Variants in NLGN1 observed in about 807,000 individuals in gnomAD.
NLGN1 encodes neuroligin-1.
In NLGN1, 12 loss-of-function variants were observed where a neutral mutation model predicts 65.5. The observed-to-expected ratio is 0.18, with a 90% CI of 0.12 to 0.30. The LOEUF is 0.30. Ranked by LOEUF, NLGN1 falls within the 10% of genes least tolerant of loss-of-function variation. NLGN1 has a pLI of 1.00. For missense variants in NLGN1, 750 were observed against 1,007.1 expected (o/e 0.74, Z 3.46); for synonymous variants, 350 against 359.5 (o/e 0.97, Z 0.30).
intron 4 of NLGN1, among the ~76,000 whole-genome samples, chr3:174,033,193 C>A (rs750970082): frequency 6.6e-6 from 1 of 152,070 alleles, no homozygotes; most frequent in African/African-American, 2.4e-5. Flanking sequence ...AGATGCAAGA[C>A]ACAGACTTTC....
intron 4 of NLGN1, among the ~76,000 whole-genome samples, chr3:173,851,777 T>C (rs972351196): frequency 8.5e-5 from 13 of 152,196 alleles, no homozygotes; most frequent in African/African-American, 2.9e-4. Context: ...CACCCTTCTA[T>C]TGCATCTGCT....
chr3:173,576,016 A>G (rs1318348791), intron 2 of NLGN1, among the ~76,000 whole-genome samples: 1 of 152,148 alleles, frequency 6.6e-6, no homozygotes, highest in Admixed American at 6.5e-5. Context: ...ATTGAAAAGG[A>G]ATTATTCCAA....
At chr3:173,652,726 G>A (rs1474407348) in intron 3 of NLGN1, among the ~76,000 whole-genome samples, 1 of 152,010 alleles carries the variant, frequency 6.6e-6, no homozygotes, top group African/African-American at 2.4e-5. Context: ...TTGGCTATTC[G>A]AGCTCTTTTT....
intron 4 of NLGN1, among the ~76,000 whole-genome samples, chr3:173,961,481 T>C (rs1249092942): frequency 4.0e-5 from 6 of 151,386 alleles, no homozygotes; most frequent in Non-Finnish European, 8.8e-5. Context: ...TGCATATGGA[T>C]TATTTTTTGA....
chr3:173,499,305 A>G (rs1730589782), intron 2 of NLGN1, among the ~76,000 whole-genome samples: 1 of 151,820 alleles, frequency 6.6e-6, no homozygotes, highest in Non-Finnish European at 1.5e-5. Context: ...CATTTATTAA[A>G]TAGGGAATCC....
intron 4 of NLGN1, among the ~76,000 whole-genome samples, chr3:174,192,565 G>A (rs1008847711): frequency 3.3e-5 from 5 of 152,040 alleles, no homozygotes; most frequent in Non-Finnish European, 7.4e-5. Context: ...CTTAGCATTG[G>A]ACTGGCTCCC....
intron 3 of NLGN1, among the ~76,000 whole-genome samples, chr3:173,664,421 A>G (rs1054953678): frequency 3.9e-5 from 6 of 152,134 alleles, no homozygotes; most frequent in Admixed American, 1.3e-4. Flanking sequence ...TTAGAAATAC[A>G]AAATCACTTT....
At chr3:173,419,020 C>CTTTTTTTTTTTTTTTTTTTTTTTTTTT (rs59051811) in intron 1 of NLGN1, among the ~76,000 whole-genome samples, 5 of 12,262 alleles carry the variant, frequency 4.1e-4, no homozygotes, top group Admixed American at 1.5e-3. Flanking sequence ...TCTTCTTCTT[C>CTTTTTTTTTTTTTTTTTTTTTTTTTTT]TTTTTTTTTT....
intron 2 of NLGN1, among the ~76,000 whole-genome samples, chr3:173,561,185 A>G (rs574393406): frequency 1.3e-5 from 2 of 152,334 alleles, no homozygotes; most frequent in African/African-American, 2.4e-5. Flanking sequence ...AGCCTTCCAG[A>G]CTTTCAGTTT....
chr3:173,470,809 C>A (rs1283607285), intron 2 of NLGN1, among the ~76,000 whole-genome samples: 1 of 152,080 alleles, frequency 6.6e-6, no homozygotes, highest in East Asian at 1.9e-4. Flanking sequence ...ATGATGAAAA[C>A]CCTTGTTTAT....
At chr3:173,584,897 G>A (rs1747089052) in intron 2 of NLGN1, 2 of 152,086 alleles carry the variant, frequency 1.3e-5, no homozygotes, top group Admixed American at 1.3e-4. Flanking sequence ...TCAAAAAAGC[G>A]TCTAGAAACT....
At chr3:174,038,136 GCTGTGAAT>G (rs1217101049) in intron 4 of NLGN1, among the ~76,000 whole-genome samples, 2 of 152,090 alleles carry the variant, frequency 1.3e-5, no homozygotes, top group African/African-American at 4.8e-5. Flanking sequence ...TGTGGCAGTC[GCTGTGAAT>G]CCAGGCAGTA....
At chr3:174,262,232 A>G (rs1411424744) in intron 4 of NLGN1, among the ~76,000 whole-genome samples, 2 of 101,730 alleles carry the variant, frequency 2.0e-5, no homozygotes, top group African/African-American at 9.5e-5. Context: ...CTCTTTTTCT[A>G]TTGATTGGAA....
Position 173,729,591 on chromosome 3 carries a change from A to G in NLGN1, c.494-78089A>G, listed in dbSNP as rs140779824. 6.4e-3 allele frequency among the ~76,000 whole-genome samples: 970 copies of G among 152,256 alleles called. 9 individuals carry two copies. The highest frequency in any genetic ancestry group is 0.02 in the Middle Eastern group (6 of 294). Reference sequence around the variant, plus strand: ...CTTTTCTAATGATTCTTCTTAATTTATTATAATGCCTTTGATGGAATGCAA... The same window carrying G: ...CTTTTCTAATGATTCTTCTTAATTTGTTATAATGCCTTTGATGGAATGCAA... On this transcript the variant is annotated intron_variant, in intron 3 of 6. Coordinates refer to ENST00000457714, the Ensembl canonical transcript of NLGN1.
At chr3:174,178,952 G>A (rs1018665226) in intron 4 of NLGN1, among the ~76,000 whole-genome samples, 5 of 151,982 alleles carry the variant, frequency 3.3e-5, no homozygotes, top group Non-Finnish European at 7.4e-5. Context: ...TCATTCTGTG[G>A]TAAAAAGAAT....
At chr3:173,698,502 T>C (rs973894954) in intron 3 of NLGN1, among the ~76,000 whole-genome samples, 6 of 152,204 alleles carry the variant, frequency 3.9e-5, no homozygotes, top group Non-Finnish European at 7.4e-5. Context: ...TGCATAAGAC[T>C]TTACCCACTA....
At chr3:173,544,987 G>T (rs1410698151) in intron 2 of NLGN1, among the ~76,000 whole-genome samples, 1 of 152,024 alleles carries the variant, frequency 6.6e-6, no homozygotes, top group Admixed American at 6.6e-5. Flanking sequence ...AAAGATAAAA[G>T]TTGTCTATTA....
intron 2 of NLGN1, among the ~76,000 whole-genome samples, chr3:173,446,071 T>TA (rs1413813859): frequency 4.0e-5 from 6 of 151,818 alleles, no homozygotes; most frequent in African/African-American, 1.5e-4. Context: ...TTTTTTTTTT[T>TA]ACTATTATTA....
chr3:174,003,371 G>A (rs1251772520), intron 4 of NLGN1, among the ~76,000 whole-genome samples: 1 of 152,066 alleles, frequency 6.6e-6, no homozygotes, highest in Non-Finnish European at 1.5e-5. Context: ...GTGGTCCATG[G>A]ACCAGTAGCA....
Sources: allele counts gnomAD v4.1 joint callset (sites outside exome capture counted in the v4.1 genomes callset), GRCh38; gene constraint gnomAD v4.1.1; transcripts MANE v1.5; gene names NCBI Gene and HGNC (gene_info 2026-07-23, HGNC 2026-07-21).